Variants in RBFOX1 observed in about 807,000 individuals in gnomAD.
The protein encoded by RBFOX1 is RNA binding fox-1 homolog 1.
A neutral mutation model predicts 57.7 loss-of-function variants in RBFOX1; 8 were observed. That is an observed-to-expected ratio of 0.14 (90% CI 0.08 to 0.25). RBFOX1 has a LOEUF of 0.25. Among genes scored for constraint, RBFOX1 ranks in the 10% least tolerant of loss-of-function variants. RBFOX1 has a pLI of 1.00. For synonymous variants in RBFOX1, 326 were observed against 222.4 expected (o/e 1.47, Z -4.15); for missense variants, 611 against 548.5 (o/e 1.11, Z -1.14).
chr16:6,551,160 A>G (rs938141529), intron 2 of RBFOX1, among the ~76,000 whole-genome samples: 5 of 152,188 alleles, frequency 3.3e-5, no homozygotes, highest in Non-Finnish European at 5.9e-5. Context: ...GCTTCCCTGT[A>G]TGTCTATATA....
At chr16:6,371,402 T>C (rs555420835) in intron 2 of RBFOX1, among the ~76,000 whole-genome samples, 37 of 152,336 alleles carry the variant, frequency 2.4e-4, no homozygotes, top group Non-Finnish European at 3.7e-4. Flanking sequence ...TATAAAGTCA[T>C]GGATTCGTGT....
intron 1 of RBFOX1, among the ~76,000 whole-genome samples, chr16:5,376,331 A>C (rs112196674): frequency 0.011 from 1,738 of 152,126 alleles, 42 homozygotes; most frequent in African/African-American, 0.04. Context: ...TGTTGCTGTT[A>C]TTCCTGCAGG....
intron 2 of RBFOX1, among the ~76,000 whole-genome samples, chr16:6,506,319 C>G (rs891035797): frequency 6.6e-6 from 1 of 151,820 alleles, no homozygotes; most frequent in Non-Finnish European, 1.5e-5. Flanking sequence ...GTATGGGGAG[C>G]TGGAGGGAAG....
chr16:5,347,850 C>T (rs1398670433), intron 1 of RBFOX1, among the ~76,000 whole-genome samples: 1 of 150,004 alleles, frequency 6.7e-6, no homozygotes, highest in Non-Finnish European at 1.5e-5. Context: ...GTCAGCCCAT[C>T]CACCCACTCT....
At chr16:6,096,358 A>G (rs1275518963) in intron 1 of RBFOX1, among the ~76,000 whole-genome samples, 1 of 152,202 alleles carries the variant, frequency 6.6e-6, no homozygotes, top group African/African-American at 2.4e-5. Context: ...TGCATTATTT[A>G]GGACCATGTG....
At chr16:5,997,764 C>G (rs547720167) in intron 4 of RBFOX1, among the ~76,000 whole-genome samples, 72 of 152,364 alleles carry the variant, frequency 4.7e-4, no homozygotes, top group Middle Eastern at 3.4e-3. Flanking sequence ...TTAAATCTCA[C>G]TCAACTAGGA....
chr16:6,876,497 A>G (rs76670774), intron 3 of RBFOX1, among the ~76,000 whole-genome samples: 2,380 of 152,338 alleles, frequency 0.016, 66 homozygotes, highest in African/African-American at 0.049. Context: ...TTCATCACAT[A>G]GCGCTGTACC....
chr16:5,621,351 T>C (rs147828537), intron 3 of RBFOX1, among the ~76,000 whole-genome samples: 87 of 152,236 alleles, frequency 5.7e-4, no homozygotes, highest in African/African-American at 2.1e-3. Context: ...ACATTCTGAG[T>C]TGCTGGGGGT....
intron 1 of RBFOX1, among the ~76,000 whole-genome samples, chr16:6,111,969 T>C (rs1415974620): frequency 6.6e-6 from 1 of 152,182 alleles, no homozygotes; most frequent in African/African-American, 2.4e-5. Context: ...GGTGTGATTA[T>C]TAAAGGATCG....
At chr16:6,820,674 C>CT (rs1411821080) in intron 3 of RBFOX1, among the ~76,000 whole-genome samples, 1 of 112,794 alleles carries the variant, frequency 8.9e-6, no homozygotes, top group African/African-American at 2.9e-5. Flanking sequence ...AAAAAACAAG[C>CT]AAAACAAACA....
intron 3 of RBFOX1, among the ~76,000 whole-genome samples, chr16:5,615,202 C>G (rs1225592087): frequency 2.6e-5 from 4 of 152,148 alleles, no homozygotes; most frequent in Non-Finnish European, 5.9e-5. Context: ...ATCTGGCTAT[C>G]TTCATTTTTG....
intron 3 of RBFOX1, among the ~76,000 whole-genome samples, chr16:5,817,455 T>G (rs1285133877): frequency 6.6e-6 from 1 of 152,164 alleles, no homozygotes; most frequent in African/African-American, 2.4e-5. Context: ...AAATGTCTTT[T>G]CAATGAGTAA....
chr16:6,518,772 C>T (rs528511191), intron 2 of RBFOX1, among the ~76,000 whole-genome samples: 72 of 144,462 alleles, frequency 5.0e-4, no homozygotes, highest in Middle Eastern at 3.6e-3. Flanking sequence ...TCTATCTATC[C>T]ATCTGTCTGT....
chr16:6,720,950 C>T (rs1603459725), intron 3 of RBFOX1, among the ~76,000 whole-genome samples: 1 of 152,028 alleles, frequency 6.6e-6, no homozygotes, highest in Non-Finnish European at 1.5e-5. Context: ...TACATTAATA[C>T]TGGGACAGTA....
chr16:6,483,804 G>A, intron 2 of RBFOX1: 5 of 1,368,536 alleles, frequency 3.7e-6, no homozygotes, highest in South Asian at 1.7e-5. Context: ...CGGCGTGTGC[G>A]CCTCCGGGGC....
At chr16:6,950,157 C>T (rs1490341544) in intron 3 of RBFOX1, among the ~76,000 whole-genome samples, 2 of 147,982 alleles carry the variant, frequency 1.4e-5, no homozygotes, top group Non-Finnish European at 3.0e-5. Flanking sequence ...GGGGTTTCAC[C>T]ATGTTGGCCA....
chr16:7,494,192 C>G (rs1437256936), intron 4 of RBFOX1, among the ~76,000 whole-genome samples: 1 of 152,116 alleles, frequency 6.6e-6, no homozygotes, highest in Non-Finnish European at 1.5e-5. Context: ...TTGTCAATTG[C>G]AATTCTCGTT....
At chr16:7,024,277 C>G (rs887716040) in intron 3 of RBFOX1, among the ~76,000 whole-genome samples, 5 of 152,144 alleles carry the variant, frequency 3.3e-5, no homozygotes, top group African/African-American at 2.4e-5. Flanking sequence ...GTGGCTTTGA[C>G]AAAGACTACC....
chr16:7,378,179 C>G (rs760777794), intron 4 of RBFOX1, among the ~76,000 whole-genome samples: 1 of 152,156 alleles, frequency 6.6e-6, no homozygotes, highest in Non-Finnish European at 1.5e-5. Flanking sequence ...TTTATCGTTG[C>G]TGAGCCGGAA....
Sources: allele counts gnomAD v4.1 joint callset (sites outside exome capture counted in the v4.1 genomes callset), GRCh38; gene constraint gnomAD v4.1.1; transcripts MANE v1.5; gene names NCBI Gene and HGNC (gene_info 2026-07-23, HGNC 2026-07-21).